TSPAN12: variants seen among roughly 807,000 people sequenced by gnomAD.
TSPAN12 encodes tetraspanin-12.
In TSPAN12, 19 loss-of-function variants were observed where a neutral mutation model predicts 39.2. That is an observed-to-expected ratio of 0.49 (90% confidence interval 0.34 to 0.71). The LOEUF is 0.71. TSPAN12 is among the 30% of genes least tolerant of loss of function. TSPAN12 has a pLI of 0.01. For missense variants in TSPAN12, 314 were observed against 359.9 expected (o/e 0.87, Z 1.03); for synonymous variants, 119 against 124.8 (o/e 0.95, Z 0.31).
At chr7:120,822,614 C>T (rs920075239) in intron 4 of TSPAN12, among the ~76,000 whole-genome samples, 10 of 152,222 alleles carry the variant, frequency 6.6e-5, no homozygotes, top group South Asian at 2.1e-4. Context: ...ATTCACATCA[C>T]GGAGTCCCCA....
intron 5 of TSPAN12, among the ~76,000 whole-genome samples, chr7:120,815,060 T>A (rs937297320): frequency 6.6e-6 from 1 of 152,186 alleles, no homozygotes; most frequent in African/African-American, 2.4e-5. Flanking sequence ...AACTTCAAAA[T>A]TGGTAAAATT....
intron 5 of TSPAN12, among the ~76,000 whole-genome samples, chr7:120,813,012 T>A (rs1794010736): frequency 6.6e-6 from 1 of 152,186 alleles, no homozygotes; most frequent in African/African-American, 2.4e-5. Context: ...TTGTGACCAC[T>A]ATCAATCTGA....
At chr7:120,854,280 G>A (rs1433577250) in intron 2 of TSPAN12, among the ~76,000 whole-genome samples, 1 of 152,160 alleles carries the variant, frequency 6.6e-6, no homozygotes, top group Non-Finnish European at 1.5e-5. Context: ...TGCAGTAGTG[G>A]TAGCAATAGT....
At chr7:120,799,180 T>C (rs1270944924) in intron 7 of TSPAN12, among the ~76,000 whole-genome samples, 1 of 151,864 alleles carries the variant, frequency 6.6e-6, no homozygotes, top group Non-Finnish European at 1.5e-5. Flanking sequence ...AATTTTTTGT[T>C]TCAAGTGTGG....
Position 120,788,690 on chromosome 7 carries a change from G to A in TSPAN12, c.820C>T (p.Pro274Ser). 1 of 1,614,134 alleles carries A rather than the reference G, an allele frequency of 6.2e-7. No individual in the cohort carries two copies. Among genetic ancestry groups the A allele is most frequent in the Non-Finnish European group, 8.5e-7 (1 of 1,180,004 alleles). Residue 274 changes from proline to serine, a missense_variant, in exon 8 of 8, where the codon CCC (proline) becomes TCC (serine). Transcript: ENST00000222747. ...KNDNSQHLSC[P>S]SVELLKPSLS... ...CTTGGTTTCAACAGTTCTACTGAGG[G>A]ACATGACAGGTGCTGAGAGTTGTCA...
At chr7:120,836,314 A>AG (rs1314053400) in intron 4 of TSPAN12, among the ~76,000 whole-genome samples, 1 of 152,224 alleles carries the variant, frequency 6.6e-6, no homozygotes, top group Non-Finnish European at 1.5e-5. Context: ...AGACAGAGTA[A>AG]GGACTAGAAG....
At chr7:120,807,609 A>G (rs1004288163) in intron 6 of TSPAN12, among the ~76,000 whole-genome samples, 1 of 152,248 alleles carries the variant, frequency 6.6e-6, no homozygotes, top group East Asian at 1.9e-4. Context: ...CAACAGATCA[A>G]TCTATGTCCA....
chr7:120,830,177 T>C (rs1291492680), intron 4 of TSPAN12, among the ~76,000 whole-genome samples: 3 of 152,168 alleles, frequency 2.0e-5, no homozygotes, highest in Admixed American at 6.6e-5. Context: ...AGATATCCCA[T>C]GTTTATGGAT....
chr7:120,805,356 G>T (rs1368420612), intron 7 of TSPAN12, among the ~76,000 whole-genome samples: 1 of 152,044 alleles, frequency 6.6e-6, no homozygotes, highest in Non-Finnish European at 1.5e-5. Context: ...ACTGCCTTTG[G>T]CAGAGAGTCT....
chr7:120,800,116 C>A (rs1793737406), intron 7 of TSPAN12, among the ~76,000 whole-genome samples: 1 of 151,886 alleles, frequency 6.6e-6, no homozygotes, highest in Admixed American at 6.6e-5. Flanking sequence ...AAACAAATAT[C>A]ATTTGCCAAG....
intron 2 of TSPAN12, among the ~76,000 whole-genome samples, chr7:120,847,943 C>T (rs1453264174): frequency 2.0e-5 from 3 of 152,198 alleles, no homozygotes; most frequent in Non-Finnish European, 4.4e-5. Flanking sequence ...TCTTCAGCTA[C>T]CCCTTAAACT....
chr7:120,829,109 C>T (rs562994623), intron 4 of TSPAN12, among the ~76,000 whole-genome samples: 1 of 152,124 alleles, frequency 6.6e-6, no homozygotes, highest in South Asian at 2.1e-4. Context: ...CGCTGCTTAA[C>T]AGAAATACAA....
intron 4 of TSPAN12, among the ~76,000 whole-genome samples, chr7:120,822,701 T>C (rs902142649): frequency 2.0e-5 from 3 of 151,944 alleles, no homozygotes; most frequent in African/African-American, 4.8e-5. Context: ...TAGGAAGAAG[T>C]TAGACCTCCC....
chr7:120,798,826 C>T (rs559080068), intron 7 of TSPAN12, among the ~76,000 whole-genome samples: 1 of 152,140 alleles, frequency 6.6e-6, no homozygotes, highest in East Asian at 1.9e-4. Flanking sequence ...CCTTTTTCGA[C>T]CCTGTGCCAC....
intron 7 of TSPAN12, among the ~76,000 whole-genome samples, chr7:120,797,609 C>T (rs571494488): frequency 6.6e-6 from 1 of 152,334 alleles, no homozygotes; most frequent in African/African-American, 2.4e-5. Flanking sequence ...TGACAAGAAC[C>T]TTAAATCCAG....
Position 120,842,905 on chromosome 7 carries a change from G to A in TSPAN12, c.67-2796C>T, listed in dbSNP as rs141068858. Among the ~76,000 whole-genome samples, 623 of 151,490 alleles carry A rather than the reference G, an allele frequency of 4.1e-3. 9 individuals are homozygous for A. The highest frequency in any genetic ancestry group is 0.024 in the Admixed American group (367 of 15,196). On this transcript the variant is annotated intron_variant, in intron 2 of 7. Coordinates refer to ENST00000222747, the MANE Select transcript of TSPAN12 (RefSeq NM_012338.4). Reference sequence around the variant, plus strand: ...GAATTTCTGCTAATATTTGTAGGACGCATTCTAGAGCATCACCATTTAAAA... The same window carrying A: ...GAATTTCTGCTAATATTTGTAGGACACATTCTAGAGCATCACCATTTAAAA...
intron 4 of TSPAN12, among the ~76,000 whole-genome samples, chr7:120,822,842 A>T (rs138207601): frequency 3.3e-4 from 51 of 152,268 alleles, no homozygotes; most frequent in African/African-American, 1.2e-3. Flanking sequence ...AGTAGATGAC[A>T]AAGTACAGTA....
chr7:120,844,138 C>G (rs1794629005), intron 2 of TSPAN12, among the ~76,000 whole-genome samples: 1 of 152,042 alleles, frequency 6.6e-6, no homozygotes, highest in Non-Finnish European at 1.5e-5. Context: ...AACCAGACCT[C>G]TTGAGAACTC....
intron 5 of TSPAN12, among the ~76,000 whole-genome samples, chr7:120,811,139 G>T (rs1476148291): frequency 1.3e-5 from 2 of 152,192 alleles, no homozygotes; most frequent in Non-Finnish European, 2.9e-5. Flanking sequence ...CTTTTACACT[G>T]TTGGTGGGAA....
Sources: gnomAD v4.1 joint callset for allele counts (sites outside exome capture counted in the v4.1 genomes callset) on GRCh38, gnomAD v4.1.1 for gene constraint, MANE v1.5 for transcripts, NCBI Gene and HGNC (gene_info 2026-07-23, HGNC 2026-07-21) for gene names.